SH3BGRL: variants seen among roughly 807,000 people sequenced by gnomAD.
The protein encoded by SH3BGRL is SH3 domain binding glutamate rich protein like.
A neutral mutation model predicts 9.8 loss-of-function variants in SH3BGRL; 7 were observed. The ratio of observed to expected loss-of-function variants is 0.72; its 90% CI spans 0.41 to 1.35. The LOEUF (loss-of-function observed/expected upper bound fraction) is 1.35, where lower values mean the gene tolerates loss of function less well. Among genes scored for constraint, SH3BGRL ranks in the 40% most tolerant of loss-of-function variants. The probability of loss-of-function intolerance (pLI) is 0.01; values close to 1 mark genes in which losing one functional copy is unlikely to be tolerated. For missense variants in SH3BGRL, 73 were observed against 84.4 expected (o/e 0.86, Z 0.53); for synonymous variants, 36 against 29.1 (o/e 1.24, Z -0.76).
At chrX:81,229,683 G>C (rs987929279) in intron 1 of SH3BGRL, among the ~76,000 whole-genome samples, 2 of 111,575 alleles carry the variant, frequency 1.8e-5, no homozygotes, top group Admixed American at 9.5e-5. Flanking sequence ...TCTTACACTA[G>C]TGTGTTCCTT....
At chrX:81,285,719 C>T (rs1312311716) in intron 3 of SH3BGRL, among the ~76,000 whole-genome samples, 4 of 111,372 alleles carry the variant, frequency 3.6e-5, no homozygotes, top group Non-Finnish European at 7.6e-5. Flanking sequence ...CTAACGATAG[C>T]GTCAACAAAA....
At chrX:81,218,394 G>T (rs1161644339) in intron 1 of SH3BGRL, among the ~76,000 whole-genome samples, 1 of 110,231 alleles carries the variant, frequency 9.1e-6, no homozygotes, top group East Asian at 2.8e-4. Context: ...TATGTTTTAA[G>T]ATTTAGAACT....
intron 1 of SH3BGRL, among the ~76,000 whole-genome samples, chrX:81,274,418 C>T (rs1395153742): frequency 3.6e-5 from 4 of 110,176 alleles, no homozygotes; most frequent in Non-Finnish European, 7.6e-5. Context: ...CGAGACCAGC[C>T]TGACCAACAT....
chrX:81,227,868 C>T (rs1205833840), intron 1 of SH3BGRL, among the ~76,000 whole-genome samples: 1 of 111,581 alleles, frequency 9.0e-6, no homozygotes, highest in Non-Finnish European at 1.9e-5. Context: ...TCATTTCTTT[C>T]TTGGATTTCT....
In SH3BGRL at chrX:81,227,128, G is replaced by C. The variant is rs1247232225; in HGVS notation, c.45+24883G>C. Among the ~76,000 whole-genome samples, 10 of 111,969 alleles carry C rather than the reference G, an allele frequency of 8.9e-5. No homozygotes were observed. The Admixed American group carries it at 9.5e-4, about 11-fold the overall frequency. ...TCATAAGAATTGTGAAGTTGTATCT[G>C]AAATAAATACATTGGACTTTTCTAA... On this transcript the variant is annotated intron_variant, in intron 1 of 3. Transcript: ENST00000373212.
chrX:81,262,638 T>C (rs1416885861), intron 1 of SH3BGRL, among the ~76,000 whole-genome samples: 1 of 111,057 alleles, frequency 9.0e-6, no homozygotes, highest in East Asian at 2.9e-4. Flanking sequence ...TAGGCTGGAG[T>C]TTAGTTAGTA....
intron 1 of SH3BGRL, among the ~76,000 whole-genome samples, chrX:81,206,700 G>A (rs1298292501): frequency 8.9e-6 from 1 of 111,797 alleles, no homozygotes; most frequent in African/African-American, 3.3e-5. Context: ...TGGGCAGCTA[G>A]TGTGTAGGAG....
intron 1 of SH3BGRL, among the ~76,000 whole-genome samples, chrX:81,228,618 G>A (rs892367381): frequency 1.8e-5 from 2 of 111,360 alleles, no homozygotes; most frequent in Non-Finnish European, 3.8e-5. Context: ...TTCCCATCAT[G>A]GCCTGAACTA....
chrX:81,206,790 A>T (rs970913141), intron 1 of SH3BGRL, among the ~76,000 whole-genome samples: 9 of 112,181 alleles, frequency 8.0e-5, no homozygotes, highest in African/African-American at 2.9e-4. Context: ...GAGAAGACCT[A>T]CACAGTTGGA....
At chrX:81,283,919 C>T (rs771728353) in intron 3 of SH3BGRL, among the ~76,000 whole-genome samples, 69 of 110,742 alleles carry the variant, frequency 6.2e-4, no homozygotes, top group Non-Finnish European at 2.8e-4. Flanking sequence ...TCTTGAAAAC[C>T]CTAAGGACTC....
At chrX:81,214,413 C>A (rs2075575099) in intron 1 of SH3BGRL, among the ~76,000 whole-genome samples, 1 of 111,195 alleles carries the variant, frequency 9.0e-6, no homozygotes, top group Admixed American at 9.6e-5. Context: ...TGATATTATT[C>A]CAGCGTTATT....
intron 3 of SH3BGRL, among the ~76,000 whole-genome samples, chrX:81,286,742 C>G (rs1226974098): frequency 1.8e-5 from 2 of 110,363 alleles, no homozygotes; most frequent in Non-Finnish European, 3.8e-5. Flanking sequence ...GATTTAAAAC[C>G]AGTGCCTTTA....
At position 81,273,181 on chromosome X, in the gene SH3BGRL, T is replaced by C. The variant is rs776446100; in HGVS notation, c.46-3803T>C. Among the ~76,000 whole-genome samples, 8 of 112,150 alleles carry C rather than the reference T, an allele frequency of 7.1e-5. No homozygotes were observed. The East Asian group carries it at 1.7e-3, about 24-fold the overall frequency. On this transcript the variant is annotated intron_variant, in intron 1 of 3. Transcript: ENST00000373212. Reference sequence around the variant, plus strand: ...CCTTTCACCAGAACTATAGATTGTATGCAATATAGAAGGATTAAAAATCTA... The same window carrying C: ...CCTTTCACCAGAACTATAGATTGTACGCAATATAGAAGGATTAAAAATCTA...
intron 1 of SH3BGRL, among the ~76,000 whole-genome samples, chrX:81,243,371 T>C (rs1207125506): frequency 1.8e-5 from 2 of 111,852 alleles, no homozygotes; most frequent in Non-Finnish European, 3.8e-5. Flanking sequence ...AGTAGAAATA[T>C]GGTTACCAGA....
rs542435831 is a variant in SH3BGRL, at chrX:81,293,592, A to G, written c.313-3603A>G. Among the ~76,000 whole-genome samples the G allele has an allele frequency of 1.5e-4, 17 of 112,107 alleles. No individual in the cohort carries two copies. The South Asian group carries it at 6.3e-3, about 42-fold the overall frequency. ...CAGCTACTTGGGAGGCTGAGGCAGGAGGATCACTTGAATCAGGGAGGTGGA... is the reference window on the plus strand; with the variant it reads ...CAGCTACTTGGGAGGCTGAGGCAGGGGGATCACTTGAATCAGGGAGGTGGA... On this transcript the variant is annotated intron_variant, in intron 3 of 3. Coordinates refer to ENST00000373212, the MANE Select transcript of SH3BGRL (RefSeq NM_003022.3).
At chrX:81,285,375 T>C (rs972959847) in intron 3 of SH3BGRL, among the ~76,000 whole-genome samples, 9 of 111,807 alleles carry the variant, frequency 8.0e-5, no homozygotes, top group Non-Finnish European at 1.5e-4. Context: ...TATAATACGT[T>C]ACTGATGTTG....
chrX:81,257,840 T>C (rs957980610), intron 1 of SH3BGRL, among the ~76,000 whole-genome samples: 15 of 110,257 alleles, frequency 1.4e-4, no homozygotes, highest in African/African-American at 5.0e-4. Flanking sequence ...GGTTCCACAA[T>C]CTGTAATTGT....
chrX:81,280,878 G>A (rs2075814611), intron 3 of SH3BGRL, among the ~76,000 whole-genome samples: 1 of 111,236 alleles, frequency 9.0e-6, no homozygotes, highest in African/African-American at 3.3e-5. Context: ...AATCAGGGAG[G>A]GAACAGAGAA....
chrX:81,209,848 C>T (rs977764866), intron 1 of SH3BGRL, among the ~76,000 whole-genome samples: 1 of 111,190 alleles, frequency 9.0e-6, no homozygotes, highest in South Asian at 3.8e-4. Context: ...ATGAATTCAT[C>T]GAGGGCACAC....
Sources: allele counts gnomAD v4.1 joint callset (sites outside exome capture counted in the v4.1 genomes callset), GRCh38; gene constraint gnomAD v4.1.1; transcripts MANE v1.5; gene names NCBI Gene and HGNC (gene_info 2026-07-23, HGNC 2026-07-21).